Variants in ASIC1 observed in about 807,000 individuals in gnomAD.
ASIC1 encodes acid-sensing ion channel 1.
Under a neutral mutation model 63.4 loss-of-function variants are expected in ASIC1, and 21 were observed. The observed-to-expected ratio is 0.33, with a 90% CI of 0.23 to 0.48. The LOEUF is 0.48. Among genes scored for constraint, ASIC1 ranks in the 20% least tolerant of loss-of-function variants. The pLI is 0.99. For missense variants in ASIC1, 478 were observed against 695.5 expected, an observed-to-expected ratio of 0.69 and a Z score of 3.52; for synonymous variants, 258 against 278.2, an observed-to-expected ratio of 0.93 and a Z score of 0.72.
Position 50,059,526 on chromosome 12 carries a change from T to A in ASIC1, c.363-233T>A, listed in dbSNP as rs1023806619. ...CTGCCTTGTCTCTCTGCCCACCTTA[T>A]CCATGCTTCCTCTCACCCATGTGCT... On this transcript the variant is annotated intron_variant, in intron 2 of 11. Transcript: ENST00000447966. This position sits in a 1 kb window ranked among gnomAD's most constrained non-coding sequence, Gnocchi z 4.6. Among the ~76,000 whole-genome samples, 13 of 152,148 alleles carry A rather than the reference T, an allele frequency of 8.5e-5. No individual in the cohort carries two copies. Among genetic ancestry groups the A allele is most frequent in the Non-Finnish European group, 1.6e-4 (11 of 68,018 alleles).
Position 50,074,111 on chromosome 12 carries a change from C to T in ASIC1, c.559-3102C>T, listed in dbSNP as rs905428280. On this transcript the variant is annotated intron_variant, in intron 3 of 11. Transcript: ENST00000447966. This position sits in a 1 kb window ranked among gnomAD's most constrained non-coding sequence, Gnocchi z 4.2. ...GACCCCGGGGTGCCCCTCGCTCCAC[C>T]GGGCCCTGAGGCCTTCTCTGGGGAG... 4.6e-6 allele frequency: 7 copies of T among 1,535,688 alleles called. No homozygotes were observed. Among genetic ancestry groups the T allele is most frequent in the Middle Eastern group, 1.7e-4 (1 of 5,984 alleles).
chr12:50,078,193 A>C lies in ASIC1; in HGVS notation c.837+66A>C. The stretch of plus-strand genomic sequence containing the variant: ...GAGGGGTCCAGATGGAGTGGTGGGC[A>C]ATCAGTAATGGGAAGGACAGGTGAG... On this transcript the variant is annotated intron_variant, in intron 5 of 11. Transcript: ENST00000447966. The surrounding 1 kb of genome is among the most constrained non-coding windows in gnomAD (Gnocchi z 6.0). The C allele has an allele frequency of 3.2e-6, 5 of 1,570,002 alleles. No individual in the cohort carries two copies. Among genetic ancestry groups the C allele is most frequent in the Non-Finnish European group, 4.3e-6 (5 of 1,160,598 alleles).
At position 50,081,336 on chromosome 12, in the gene ASIC1, C is replaced by T; in HGVS notation, c.1454C>T (p.Ala485Val). ...AGGAGCAGTGCGGACAAGGGCGTGG[C>T]CCTCAGCCTGGACGACGTCAAAAGA... ...AKRSSADKGV[A>V]LSLDDVKRHN... Residue 485 changes from alanine to valine, a missense_variant, in exon 11 of 12, where the codon GCC (alanine) becomes GTC (valine). Transcript: ENST00000447966. 4.3e-6 allele frequency: 7 copies of T among 1,609,440 alleles called. No individual in the cohort carries two copies. The highest frequency in any genetic ancestry group is 5.9e-6 in the Non-Finnish European group (7 of 1,177,914).
chr12:50,063,415 C>A (rs1470824329), intron 3 of ASIC1, among the ~76,000 whole-genome samples: 1 of 152,202 alleles, frequency 6.6e-6, no homozygotes, highest in Non-Finnish European at 1.5e-5. Flanking sequence ...GAGACCTAGA[C>A]CCTTTGCCTA....
rs777749432 is a variant in ASIC1, at chr12:50,059,435, G to A, written c.362+307G>A. ...CTGGCCACTCTGTCTTGACCTTCTC[G>A]TCAGTTGGGGGATGGGGACAGAACA... On this transcript the variant is annotated intron_variant, in intron 2 of 11. Transcript: ENST00000447966. The surrounding 1 kb of genome is among the most constrained non-coding windows in gnomAD (Gnocchi z 4.6). 1.8e-3 allele frequency among the ~76,000 whole-genome samples: 268 copies of A among 152,166 alleles called. No homozygotes were observed. The highest frequency in any genetic ancestry group is 3.3e-3 in the Non-Finnish European group (222 of 68,036).
At chr12:50,077,933 C>T (rs2137844076) in intron 4 of ASIC1, 67 bp from the exon 5 acceptor site, 3 of 1,542,308 alleles carry the variant, frequency 1.9e-6, no homozygotes, top group Non-Finnish European at 2.6e-6. Context: ...AGGTAGGATG[C>T]CCCCAGGTCT....
At chr12:50,070,147 G>A (rs1950584595) in intron 3 of ASIC1, among the ~76,000 whole-genome samples, 1 of 152,188 alleles carries the variant, frequency 6.6e-6, no homozygotes, top group Non-Finnish European at 1.5e-5. Flanking sequence ...GGGGGGCGCT[G>A]TATGCTTGGA....
At position 50,081,749 on chromosome 12, in the gene ASIC1, CTCCGGGGCAGATCTT is replaced by C. The variant is rs1950723159; in HGVS notation, c.*104_*118del. The C allele has an allele frequency of 1.9e-6, 2 of 1,048,814 alleles. No homozygotes were observed. The highest frequency in any genetic ancestry group is 2.8e-6 in the Non-Finnish European group (2 of 710,754). The allele number at this position is 1,048,814 out of a possible 1,614,324, so 65.0% of individuals were successfully genotyped here. ...ACATCTGCCCTGGGGACTCCCCACA[CTCCGGGGCAGATCTT>C]TCCTCTTGTCTGTGGTAAGGAAGGA... is the stretch of plus-strand genomic sequence containing the variant. On this transcript the variant is annotated 3_prime_UTR_variant, in exon 12 of 12. Transcript: ENST00000447966.
At chr12:50,077,794 T>G (rs895863516) in intron 4 of ASIC1, among the ~76,000 whole-genome samples, 32 of 151,944 alleles carry the variant, frequency 2.1e-4, no homozygotes, top group African/African-American at 7.2e-4. Flanking sequence ...AGAAAAGAAG[T>G]GTGTAGGATA....
intron 4 of ASIC1, 32 bp downstream of exon 4, chr12:50,077,395 T>C (rs1198409219): frequency 1.2e-6 from 2 of 1,613,404 alleles, no homozygotes; most frequent in Non-Finnish European, 1.7e-6. Flanking sequence ...CCCCTCTGCA[T>C]GGCTCTAGGC....
At chr12:50,069,949 C>G (rs965114608) in intron 3 of ASIC1, among the ~76,000 whole-genome samples, 1 of 152,166 alleles carries the variant, frequency 6.6e-6, no homozygotes, top group African/African-American at 2.4e-5. Flanking sequence ...GCTCAGTTTT[C>G]TCACTTGTCA....
chr12:50,067,290 A>T (rs114125105), intron 3 of ASIC1, among the ~76,000 whole-genome samples: 1,916 of 152,104 alleles, frequency 0.013, 37 homozygotes, highest in African/African-American at 0.044. Context: ...ATTCCTCCTA[A>T]ATGGTTCTAG....
intron 3 of ASIC1, among the ~76,000 whole-genome samples, chr12:50,060,778 T>C (rs1950494109): frequency 6.6e-6 from 1 of 152,216 alleles, no homozygotes; most frequent in Non-Finnish European, 1.5e-5. Context: ...CACAGATTCC[T>C]GAGGGTTAAG....
In ASIC1 at chr12:50,059,047, A is replaced by C; in HGVS notation, c.281A>C (p.Asn94Thr). The C allele has an allele frequency of 6.2e-7, 1 of 1,614,058 alleles. No homozygotes were observed. The highest frequency in any genetic ancestry group is 8.5e-7 in the Non-Finnish European group (1 of 1,179,988). ...ACCTTCCCTGCTGTCACGCTGTGCA[A>C]CCTCAACGAGTTCCGCTTTAGCCAA... ...QLTFPAVTLC[N>T]LNEFRFSQVS... Residue 94 changes from asparagine (N) to threonine (T), a missense_variant, in exon 2 of 12, where the codon AAC (asparagine) becomes ACC (threonine). By Grantham distance (65) the Asn-to-Thr change is moderately conservative. Coordinates refer to ENST00000447966, the MANE Select transcript of ASIC1 (RefSeq NM_001095.4). The surrounding 1 kb of genome is among the most constrained non-coding windows in gnomAD (Gnocchi z 4.6).
chr12:50,076,468 A>G (rs917849387), intron 3 of ASIC1, among the ~76,000 whole-genome samples: 1 of 150,978 alleles, frequency 6.6e-6, no homozygotes, highest in Non-Finnish European at 1.5e-5. Context: ...CTCCATCCCA[A>G]AAAAAAAAAA....
chr12:50,073,656 T>A (rs982195042), intron 3 of ASIC1: 101 of 1,536,172 alleles, frequency 6.6e-5, no homozygotes, highest in South Asian at 9.5e-5. Context: ...TGGGAGATAT[T>A]TGGGGTCCCC....
intron 1 of ASIC1, 60 bp from the exon 2 acceptor site, chr12:50,058,691 G>A (rs1465836688): frequency 1.2e-5 from 18 of 1,510,806 alleles, no homozygotes; most frequent in Middle Eastern, 3.9e-4. Flanking sequence ...ACATGTGGAG[G>A]GGCTCCATGT....
At chr12:50,080,776 A>G in intron 9 of ASIC1, 187 bp downstream of exon 9, 3 of 1,518,202 alleles carry the variant, frequency 2.0e-6, no homozygotes, top group Non-Finnish European at 2.7e-6. Flanking sequence ...GCAAAGTGGA[A>G]AAGAGAAAAG....
chr12:50,078,743 A>T lies in ASIC1; in HGVS notation c.994+166A>T. 7.5e-7 allele frequency: 1 copy of T among 1,340,630 alleles called. No individual in the cohort carries two copies. The allele number at this position is 1,340,630 out of a possible 1,614,324, so 83.0% of individuals were successfully genotyped here. ...TCAGTTCCCGCCTGCACCCCCAGGG[A>T]TGGGTGGGAAGGGTCTAGAAGGTAT... On this transcript the variant is annotated intron_variant, in intron 6 of 11. Coordinates refer to ENST00000447966, the MANE Select transcript of ASIC1 (RefSeq NM_001095.4). This position sits in a 1 kb window ranked among gnomAD's most constrained non-coding sequence, Gnocchi z 6.0.
Sources: allele counts gnomAD v4.1 joint callset (sites outside exome capture counted in the v4.1 genomes callset), GRCh38; gene constraint gnomAD v4.1.1; non-coding constraint Gnocchi (gnomAD v3.1); transcripts MANE v1.5; gene names NCBI Gene and HGNC (gene_info 2026-07-23, HGNC 2026-07-21).